Variants in MEI4 observed in about 807,000 individuals in gnomAD.
The protein encoded by MEI4 is meiotic double-stranded break formation protein 4, also known as meiosis-specific protein MEI4.
A neutral mutation model predicts 31.4 loss-of-function variants in MEI4; 27 were observed. The observed-to-expected ratio is 0.86, with a 90% CI of 0.63 to 1.19. The LOEUF (loss-of-function observed/expected upper bound fraction) is 1.19. Ranked by LOEUF, MEI4 falls within the 50% of genes most tolerant of loss-of-function variation. The pLI is 0.00. For missense variants in MEI4, 329 were observed against 398.9 expected (o/e 0.82, Z 1.49); for synonymous variants, 122 against 145.4 (o/e 0.84, Z 1.16).
intron 1 of MEI4, among the ~76,000 whole-genome samples, chr6:77,670,247 A>T (rs1361490812): frequency 2.0e-5 from 3 of 151,688 alleles, no homozygotes; most frequent in Admixed American, 1.3e-4. Context: ...CAAATGTTGT[A>T]TTCCTCTAAG....
chr6:77,922,723 G>A (rs1318552326), intron 4 of MEI4, among the ~76,000 whole-genome samples: 5 of 151,572 alleles, frequency 3.3e-5, no homozygotes, highest in Admixed American at 1.3e-4. Context: ...ATCAAAATAA[G>A]TACCATGAAT....
chr6:77,703,388 C>A (rs1766264710), intron 2 of MEI4, among the ~76,000 whole-genome samples: 1 of 152,132 alleles, frequency 6.6e-6, no homozygotes, highest in South Asian at 2.1e-4. Flanking sequence ...GTAATTGAAT[C>A]AGAATGGGAT....
intron 4 of MEI4, among the ~76,000 whole-genome samples, chr6:77,853,358 A>G (rs896226171): frequency 6.6e-6 from 1 of 152,262 alleles, no homozygotes; most frequent in Admixed American, 6.5e-5. Context: ...CTAATGTAAG[A>G]TAAAAAACTT....
chr6:77,672,817 C>G (rs6929981), intron 1 of MEI4, among the ~76,000 whole-genome samples: 56,986 of 152,062 alleles, frequency 0.37, 10,919 homozygotes, highest in African/African-American at 0.42. Flanking sequence ...GGATTACAGG[C>G]GTGAGCCACC....
Position 77,829,017 on chromosome 6 carries a change from A to G in MEI4, c.855A>G (p.Leu285=). 1.6e-6 allele frequency: 2 copies of G among 1,232,000 alleles called. No individual in the cohort carries two copies. Among genetic ancestry groups the G allele is most frequent in the Non-Finnish European group, 2.0e-6 (2 of 987,822 alleles). 76.3% of individuals were successfully genotyped at this position (1,232,000 alleles called of 1,614,324 possible). A position where few individuals can be genotyped will look rare whatever the true frequency, so the allele number is the denominator to read the frequency against. ...LLRKSIISLL[L]SEVNGFADDL... is the part of the protein sequence containing the mutation. ...GAAAATCTATTATATCTCTGCTTCT[A>G]TCAGAAGTAAATGGCTTTGCTGATG... is the stretch of plus-strand genomic sequence containing the variant. Residue 285 remains leucine, a synonymous_variant, in exon 4 of 5, where the codon CTA becomes CTG. Coordinates refer to ENST00000684080, the MANE Select transcript of MEI4 (RefSeq NM_001322247.2).
intron 2 of MEI4, among the ~76,000 whole-genome samples, chr6:77,717,175 T>C (rs1047539423): frequency 4.0e-5 from 5 of 124,182 alleles, no homozygotes; most frequent in Admixed American, 3.5e-4. Context: ...ACAAGACAAT[T>C]GTGGGGAGAG....
intron 4 of MEI4, among the ~76,000 whole-genome samples, chr6:77,917,041 A>G (rs201297213): frequency 0.048 from 7,263 of 150,250 alleles, 426 homozygotes; most frequent in African/African-American, 0.14. Context: ...TGTTCTTGCG[A>G]TAGTTTACTG....
At chr6:77,739,469 A>G (rs1767341313) in intron 2 of MEI4, among the ~76,000 whole-genome samples, 1 of 152,160 alleles carries the variant, frequency 6.6e-6, no homozygotes, top group Admixed American at 6.5e-5. Context: ...AGACTAATAC[A>G]GAACAGAAAA....
chr6:77,866,410 G>C (rs898436211), intron 4 of MEI4, among the ~76,000 whole-genome samples: 3 of 152,110 alleles, frequency 2.0e-5, no homozygotes, highest in Admixed American at 1.3e-4. Flanking sequence ...ATGTACAAAA[G>C]TCACAAGCAT....
In MEI4 at chr6:77,918,245, A is replaced by G. The variant is rs1272026192; in HGVS notation, c.901-4844A>G. ...CTTTTGGCTTAGGATTGACTTGGCGATGCAGGCTCTTTTTTGGTTCCATAT... is the reference window on the plus strand; with the variant it reads ...CTTTTGGCTTAGGATTGACTTGGCGGTGCAGGCTCTTTTTTGGTTCCATAT... On this transcript the variant is annotated intron_variant, in intron 4 of 4. Transcript: ENST00000684080. 5.9e-5 allele frequency among the ~76,000 whole-genome samples: 9 copies of G among 151,710 alleles called. No individual in the cohort carries two copies. The South Asian group carries it at 6.2e-4, about 11-fold the overall frequency.
intron 2 of MEI4, among the ~76,000 whole-genome samples, chr6:77,742,101 G>C (rs1009900564): frequency 3.3e-5 from 5 of 152,024 alleles, no homozygotes. Flanking sequence ...TGTCTTTATA[G>C]CAGCATGATT....
intron 4 of MEI4, among the ~76,000 whole-genome samples, chr6:77,915,253 C>T (rs888878815): frequency 6.6e-6 from 1 of 151,998 alleles, no homozygotes; most frequent in Non-Finnish European, 1.5e-5. Context: ...TTGTGTATTT[C>T]CATAATGGTA....
chr6:77,671,065 T>G (rs958996062), intron 1 of MEI4, among the ~76,000 whole-genome samples: 1 of 148,370 alleles, frequency 6.7e-6, no homozygotes, highest in Admixed American at 6.7e-5. Context: ...TTTTTTTTTT[T>G]TTTTTTTTTT....
At chr6:77,698,950 G>A (rs1766131151) in intron 2 of MEI4, among the ~76,000 whole-genome samples, 1 of 152,024 alleles carries the variant, frequency 6.6e-6, no homozygotes. Flanking sequence ...CATATTTCTT[G>A]GAGGCTTTGT....
chr6:77,922,733 TTC>T (rs1766733780), intron 4 of MEI4, among the ~76,000 whole-genome samples: 2 of 151,698 alleles, frequency 1.3e-5, no homozygotes, highest in Non-Finnish European at 1.5e-5. Context: ...GTACCATGAA[TTC>T]AAAAGTTTTG....
In MEI4 at chr6:77,732,247, T is replaced by C. The variant is rs192616448; in HGVS notation, c.233-28883T>C. Among the ~76,000 whole-genome samples, 340 of 152,118 alleles carry C rather than the reference T, an allele frequency of 2.2e-3. 5 individuals carry two copies. Among genetic ancestry groups the C allele is most frequent in the African/African-American group, 7.5e-3 (309 of 41,384 alleles). The stretch of plus-strand genomic sequence containing the variant: ...ATGGCCATTTTCACGATATTGATTC[T>C]TTCTACCCATGAGCATGGAATGTTC... On this transcript the variant is annotated intron_variant, in intron 2 of 4. Transcript: ENST00000684080.
chr6:77,786,364 T>G (rs1047470908), intron 3 of MEI4, among the ~76,000 whole-genome samples: 1 of 152,110 alleles, frequency 6.6e-6, no homozygotes, highest in Non-Finnish European at 1.5e-5. Context: ...AATAGAGTAA[T>G]ATATATTGAA....
chr6:77,850,665 T>C (rs185332659), intron 4 of MEI4, among the ~76,000 whole-genome samples: 1 of 152,078 alleles, frequency 6.6e-6, no homozygotes, highest in Non-Finnish European at 1.5e-5. Context: ...AAATGTTAGA[T>C]CTAAAACCAT....
chr6:77,715,355 A>G (rs1166259105), intron 2 of MEI4, among the ~76,000 whole-genome samples: 1 of 152,204 alleles, frequency 6.6e-6, no homozygotes, highest in African/African-American at 2.4e-5. Context: ...CTTTATTTTC[A>G]GGACCAACAC....
Sources: allele counts gnomAD v4.1 joint callset (sites outside exome capture counted in the v4.1 genomes callset), GRCh38; gene constraint gnomAD v4.1.1; transcripts MANE v1.5; gene names NCBI Gene and HGNC (gene_info 2026-07-23, HGNC 2026-07-21).